The following PTPRF variants were observed in gnomAD, a reference collection of about 807,000 sequenced individuals.
The protein encoded by PTPRF is protein tyrosine phosphatase receptor type F.
PTPRF carries 59 observed loss-of-function variants against 201.8 expected under a neutral mutation model. The observed-to-expected ratio is 0.29, with a 90% CI of 0.24 to 0.36. The LOEUF (loss-of-function observed/expected upper bound fraction) is 0.36, where lower values mean the gene tolerates loss of function less well. Ranked by LOEUF, PTPRF falls within the 10% of genes least tolerant of loss-of-function variation. The pLI is 1.00. For synonymous variants in PTPRF, 1,088 were observed against 1,089.7 expected (o/e 1.00, Z 0.03); for missense variants, 2,132 against 2,690.5 (o/e 0.79, Z 4.59).
chr1:43,578,988 C>T (rs780324550), intron 7 of PTPRF, 68 bp downstream of exon 7: 1 of 1,454,226 alleles, frequency 6.9e-7, no homozygotes, highest in Non-Finnish European at 9.6e-7. Flanking sequence ...GGCTCTCTGC[C>T]CAGAGCCCTT....
intron 26 of PTPRF, 82 bp downstream of exon 26, chr1:43,618,831 A>G: frequency 6.5e-7 from 1 of 1,546,820 alleles, no homozygotes; most frequent in Admixed American, 1.8e-5. Flanking sequence ...GGTCGGGGGG[A>G]AGCTGGAGCC....
chr1:43,593,220 A>T (rs1234405422), intron 11 of PTPRF, among the ~76,000 whole-genome samples: 1 of 152,190 alleles, frequency 6.6e-6, no homozygotes, highest in East Asian at 1.9e-4. Flanking sequence ...GTTGTGTGTG[A>T]GAGACTCCGA....
intron 2 of PTPRF, among the ~76,000 whole-genome samples, chr1:43,544,036 G>A (rs1240820839): frequency 6.6e-6 from 1 of 152,168 alleles, no homozygotes; most frequent in South Asian, 2.1e-4. Context: ...TGTATAGTGC[G>A]GCCATGCTAG....
intron 1 of PTPRF, chr1:43,532,662 A>G (rs1235789136): frequency 6.3e-6 from 1 of 157,690 alleles, no homozygotes; most frequent in Non-Finnish European, 1.4e-5. Context: ...CTGACAGGCT[A>G]TCTAAGGAAA....
In PTPRF at chr1:43,598,637, G is replaced by T; in HGVS notation, c.2120-83G>T. ...TTTCCTGGGGGAGTGGGGTGCTGAG[G>T]CAGGACCCTCAAGTTTGCTGTGCCC... On this transcript the variant is annotated intron_variant, in intron 12 of 33. Transcript: ENST00000359947. The T allele has an allele frequency of 3.1e-6, 4 of 1,308,774 alleles. No individual in the cohort carries two copies. In the South Asian group the frequency reaches 5.4e-5, roughly 18 times the overall value. The allele number at this position is 1,308,774 out of a possible 1,614,324, so 81.1% of individuals were successfully genotyped here.
intron 13 of PTPRF, among the ~76,000 whole-genome samples, chr1:43,600,892 T>C (rs1376140252): frequency 6.6e-6 from 1 of 152,142 alleles, no homozygotes; most frequent in Admixed American, 6.5e-5. Context: ...TCTTTCTTGC[T>C]CTGCCTCTAG....
Position 43,603,423 on chromosome 1 carries a change from C to T in PTPRF, c.2348C>T (p.Thr783Ile), listed in dbSNP as rs751561553. Residue 783 changes from threonine to isoleucine, a missense_variant, in exon 15 of 34, where the codon ACT (threonine) becomes ATT (isoleucine). Thr to Ile is a moderately conservative substitution (Grantham distance 89). This residue lies in a region of PTPRF where 818 missense variants were observed against 915.3 expected (regional missense o/e 0.89). Transcript: ENST00000359947. The surrounding 1 kb of genome is among the most constrained non-coding windows in gnomAD (Gnocchi z 5.8). ...CCCCTCCTCCTCCCTCAGGAAACCA[C>T]TATCAGCGGCCTGACCCCGGAGACC... The part of the protein sequence containing the change: ...RPEESEDYET[T>I]ISGLTPETTY... 1 of 1,614,054 alleles carries T rather than the reference C, an allele frequency of 6.2e-7. No individual in the cohort carries two copies. Among genetic ancestry groups the T allele is most frequent in the Admixed American group, 1.7e-5 (1 of 60,028 alleles).
At chr1:43,575,400 C>A (rs1003032619) in intron 6 of PTPRF, among the ~76,000 whole-genome samples, 2 of 152,194 alleles carry the variant, frequency 1.3e-5, no homozygotes, top group African/African-American at 4.8e-5. Flanking sequence ...CCGTTCCTCT[C>A]GGCTGGGCTG....
chr1:43,591,522 C>A lies in PTPRF; in HGVS notation c.1500C>A (p.Ser500Arg). The A allele has an allele frequency of 6.3e-7, 1 of 1,597,976 alleles. No individual in the cohort carries two copies. The highest frequency in any genetic ancestry group is 8.5e-7 in the Non-Finnish European group (1 of 1,174,160). The change falls in exon 9 of 34, where the codon AGC (serine) becomes AGA (arginine). Residue 500 changes from serine (S) to arginine (R), a missense_variant. Transcript: ENST00000359947. ...AFTAVGDGPP[S>R]PTIQVKTQQG... is the part of the protein sequence containing the mutation. ...CCGCCGTGGGCGATGGCCCTCCCAG[C>A]CCCACCATCCAGGTCAAGACGCAGC...
intron 2 of PTPRF, among the ~76,000 whole-genome samples, chr1:43,539,690 A>G (rs938544334): frequency 3.9e-5 from 6 of 152,038 alleles, no homozygotes; most frequent in Admixed American, 6.5e-5. Flanking sequence ...TAGGGACACT[A>G]TGTGTCCCTT....
At chr1:43,549,279 C>G (rs1436519499) in intron 3 of PTPRF, among the ~76,000 whole-genome samples, 1 of 152,176 alleles carries the variant, frequency 6.6e-6, no homozygotes, top group East Asian at 1.9e-4. Context: ...CAGAGTAGTT[C>G]AAGTAGCTTG....
intron 1 of PTPRF, among the ~76,000 whole-genome samples, chr1:43,531,620 G>C (rs1211627220): frequency 1.3e-5 from 2 of 149,778 alleles, no homozygotes; most frequent in African/African-American, 4.9e-5. Flanking sequence ...TCTCGCTCGC[G>C]GCCCCGGCGC....
rs536289458 is a variant in PTPRF at position 43,602,885 on chromosome 1, C to T, written c.2341-531C>T. 2.7e-3 allele frequency among the ~76,000 whole-genome samples: 407 copies of T among 152,276 alleles called. 4 individuals carry two copies. Among genetic ancestry groups the T allele is most frequent in the African/African-American group, 9.6e-3 (397 of 41,552 alleles). On this transcript the variant is annotated intron_variant, in intron 14 of 33. Transcript: ENST00000359947. ...CTCAAGAGGTATTGCAGGGTATAGACATTCACAGAGTTAGTGGCCTATATG... is the reference window on the plus strand; with the variant it reads ...CTCAAGAGGTATTGCAGGGTATAGATATTCACAGAGTTAGTGGCCTATATG...
intron 22 of PTPRF, 156 bp from the exon 23 acceptor site, chr1:43,613,462 C>T: frequency 1.5e-6 from 1 of 683,372 alleles, no homozygotes; most frequent in South Asian, 1.6e-5. Context: ...CCTCCGCCAT[C>T]CCTGTCGCCG....
In PTPRF at chr1:43,558,994, G is replaced by T. The variant is rs147741389; in HGVS notation, c.379+5053G>T. 2.2e-3 allele frequency among the ~76,000 whole-genome samples: 336 copies of T among 152,360 alleles called. 1 individual carries two copies. The highest frequency in any genetic ancestry group is 7.8e-3 in the African/African-American group (325 of 41,580). On this transcript the variant is annotated intron_variant, in intron 5 of 33. Coordinates refer to ENST00000359947, the MANE Select transcript of PTPRF (RefSeq NM_002840.5). ...GGGACAAGGAGGCGGGGAGAAGAAA[G>T]AAGCTGTGGAGCAGAGATGAGCTGT...
chr1:43,591,763 C>T, intron 9 of PTPRF, 49 bp from the exon 10 acceptor site: 1 of 1,606,344 alleles, frequency 6.2e-7, no homozygotes, highest in Middle Eastern at 1.7e-4. Context: ...CCTGGGCACC[C>T]CTGACCTCAC....
rs368816972 is a variant in PTPRF at position 43,591,868 on chromosome 1, C to T, written c.1588C>T (p.Leu530Phe). The change falls in exon 10 of 34, where the codon CTC (leucine) becomes TTC (phenylalanine). Residue 530 changes from leucine (L) to phenylalanine (F), a missense_variant. Leu to Phe is a conservative substitution (Grantham distance 22, BLOSUM62 0). Transcript: ENST00000359947. ...GGTGGAGTCGGACACCAGGATCCAG[C>T]TCTCGTGGCTGCTGCCCCCTCAGGA... is the stretch of plus-strand genomic sequence containing the variant. ...AEVESDTRIQ[L>F]SWLLPPQERI... 5 of 1,613,572 alleles carry T rather than the reference C, an allele frequency of 3.1e-6. No individual in the cohort carries two copies. Among genetic ancestry groups the T allele is most frequent in the Non-Finnish European group, 4.2e-6 (5 of 1,180,020 alleles).
In PTPRF at chr1:43,605,569, G is replaced by A. The variant is rs182011131; in HGVS notation, c.3430G>A (p.Gly1144Arg). Reference protein sequence around the residue: ...IVVVPIDRVGGSMLTPRWSTP... With the variant: ...IVVVPIDRVGRSMLTPRWSTP... The stretch of plus-strand genomic sequence containing the variant: ...TGTGGTGCCCATTGACCGTGTGGGC[G>A]GGAGCATGCTGACGCCAAGGTGGAG... The change falls in exon 19 of 34, where the codon GGG becomes AGG. Residue 1144 changes from glycine to arginine, a missense_variant. By Grantham distance (125) the Gly-to-Arg change is moderately radical. Around this residue, in one of 6 missense-constraint regions of PTPRF, gnomAD observed 818 missense variants for 915.3 expected, o/e 0.89. Transcript: ENST00000359947. 2.9e-5 allele frequency: 47 copies of A among 1,614,134 alleles called. No individual in the cohort carries two copies. Among genetic ancestry groups the A allele is most frequent in the East Asian group, 2.7e-4 (12 of 44,878 alleles).
intron 3 of PTPRF, among the ~76,000 whole-genome samples, chr1:43,550,380 C>T (rs1644951856): frequency 6.6e-6 from 1 of 152,188 alleles, no homozygotes; most frequent in Non-Finnish European, 1.5e-5. Context: ...GGCGCACTCG[C>T]CCGGCCATTC....
Sources: gnomAD v4.1 joint callset for allele counts (sites outside exome capture counted in the v4.1 genomes callset) on GRCh38, gnomAD v4.1.1 for gene constraint, gnomAD v4.1.1 regional missense constraint, Gnocchi (gnomAD v3.1) non-coding constraint, MANE v1.5 for transcripts, NCBI Gene and HGNC (gene_info 2026-07-23, HGNC 2026-07-21) for gene names.